RTN4RL2: variants seen among roughly 807,000 people sequenced by gnomAD.
RTN4RL2 encodes reticulon-4 receptor-like 2.
RTN4RL2 carries 9 observed loss-of-function variants against 27.8 expected under a neutral mutation model. The ratio of observed to expected loss-of-function variants is 0.32; its 90% CI spans 0.20 to 0.57. RTN4RL2 has a LOEUF of 0.57. Ranked by LOEUF, RTN4RL2 falls within the 20% of genes least tolerant of loss-of-function variation. The pLI, the probability that RTN4RL2 is intolerant of heterozygous loss-of-function variation, is 0.90. For synonymous variants in RTN4RL2, 285 were observed against 297.9 expected, an observed-to-expected ratio of 0.96 and a Z score of 0.45; for missense variants, 436 against 596.8, an observed-to-expected ratio of 0.73 and a Z score of 2.81.
At chr11:57,463,251 T>C (rs1445197457) in intron 1 of RTN4RL2, among the ~76,000 whole-genome samples, 2 of 152,196 alleles carry the variant, frequency 1.3e-5, no homozygotes, top group African/African-American at 4.8e-5. Flanking sequence ...GTGTTCAATG[T>C]ATAAAGAAGT....
chr11:57,468,457 TCA>T, intron 2 of RTN4RL2: 1 of 1,062,108 alleles, frequency 9.4e-7, no homozygotes. Flanking sequence ...CTGTCTCCCT[TCA>T]CACACCCACT....
chr11:57,469,194 C>G (rs1943546892), intron 2 of RTN4RL2, among the ~76,000 whole-genome samples: 1 of 152,208 alleles, frequency 6.6e-6, no homozygotes. Context: ...TGAGCACCCA[C>G]TACGAGCTAG....
chr11:57,474,930 G>C (rs948817485), intron 2 of RTN4RL2, among the ~76,000 whole-genome samples: 2 of 152,162 alleles, frequency 1.3e-5, no homozygotes, highest in African/African-American at 4.8e-5. Flanking sequence ...GCCTCTAAGG[G>C]GAGTAGTAAT....
chr11:57,466,558 G>T (rs757767062), intron 1 of RTN4RL2, among the ~76,000 whole-genome samples: 1 of 152,202 alleles, frequency 6.6e-6, no homozygotes, highest in Non-Finnish European at 1.5e-5. Context: ...GTCCCCCCAG[G>T]AATTCTGCAT....
At chr11:57,462,841 C>A (rs75366929) in intron 1 of RTN4RL2, among the ~76,000 whole-genome samples, 3,722 of 152,306 alleles carry the variant, frequency 0.024, 164 homozygotes, top group African/African-American at 0.084. Context: ...TTGACTCCCA[C>A]ATGTAATCAC....
At chr11:57,470,293 G>A (rs1191987554) in intron 2 of RTN4RL2, among the ~76,000 whole-genome samples, 2 of 152,114 alleles carry the variant, frequency 1.3e-5, no homozygotes, top group African/African-American at 4.8e-5. Context: ...TATCGCCCAG[G>A]CTGGAGTGCA....
chr11:57,474,003 A>T (rs561117062), intron 2 of RTN4RL2, among the ~76,000 whole-genome samples: 3 of 150,744 alleles, frequency 2.0e-5, no homozygotes, highest in Admixed American at 2.0e-4. Flanking sequence ...CTGACCATAC[A>T]TCTCTGGGTG....
chr11:57,461,643 G>A (rs1345493247), intron 1 of RTN4RL2, among the ~76,000 whole-genome samples: 2 of 151,926 alleles, frequency 1.3e-5, no homozygotes, highest in African/African-American at 2.4e-5. Context: ...GATCAGGGGA[G>A]GGATGGGAAG....
Position 57,460,781 on chromosome 11 carries a change from G to T in RTN4RL2, c.-85G>T, listed in dbSNP as rs1337786680. 10 of 705,948 alleles carry T rather than the reference G, an allele frequency of 1.4e-5. No homozygotes were observed. Among genetic ancestry groups the T allele is most frequent in the African/African-American group, 5.7e-5 (3 of 52,978 alleles). The allele number at this position is 705,948 out of a possible 1,614,324, so 43.7% of individuals were successfully genotyped here. A position where few individuals can be genotyped will look rare whatever the true frequency, so the allele number is the denominator to read the frequency against. ...CCCGGGCCCTCCCGGAGCCCCGCGG[G>T]GTCCCCGCCGTGCATCCGGCGGGCT... On this transcript the variant is annotated 5_prime_UTR_variant, in exon 1 of 3. Coordinates refer to ENST00000335099, the MANE Select transcript of RTN4RL2 (RefSeq NM_178570.3).
chr11:57,470,529 G>A (rs546401441), intron 2 of RTN4RL2, among the ~76,000 whole-genome samples: 3 of 152,254 alleles, frequency 2.0e-5, no homozygotes, highest in South Asian at 4.1e-4. Context: ...TTACAGGTGT[G>A]AGCCACCATG....
intron 2 of RTN4RL2, among the ~76,000 whole-genome samples, chr11:57,474,508 T>A (rs1195223741): frequency 6.6e-6 from 1 of 152,134 alleles, no homozygotes; most frequent in African/African-American, 2.4e-5. Flanking sequence ...ACAGGCCCCC[T>A]GGGTGAACTG....
chr11:57,476,646 G>C lies in RTN4RL2; in HGVS notation c.998G>C (p.Gly333Ala). ...RGNSSSNHLY[G>A]VAEAGAPPAD... Reference sequence around the variant, plus strand: ...AACAGCTCCTCCAACCACCTGTACGGGGTGGCCGAGGCCGGGGCGCCCCCA... The same window carrying C: ...AACAGCTCCTCCAACCACCTGTACGCGGTGGCCGAGGCCGGGGCGCCCCCA... Residue 333 changes from glycine (G) to alanine (A), a missense_variant, in exon 3 of 3, where the codon GGG becomes GCG. Coordinates refer to ENST00000335099, the MANE Select transcript of RTN4RL2 (RefSeq NM_178570.3). The surrounding 1 kb of genome is among the most constrained non-coding windows in gnomAD (Gnocchi z 8.2). The C allele has an allele frequency of 7.1e-7, 1 of 1,410,566 alleles. No homozygotes were observed. Among genetic ancestry groups the C allele is most frequent in the Non-Finnish European group, 9.2e-7 (1 of 1,091,128 alleles). The allele number at this position is 1,410,566 out of a possible 1,614,324, so 87.4% of individuals were successfully genotyped here.
chr11:57,476,416 G>C lies in RTN4RL2; in HGVS notation c.768G>C (p.Leu256=), dbSNP rs756724654. Residue 256 remains leucine (L), a synonymous_variant, in exon 3 of 3, where the codon CTG becomes CTC. Coordinates refer to ENST00000335099, the MANE Select transcript of RTN4RL2 (RefSeq NM_178570.3). This position sits in a 1 kb window ranked among gnomAD's most constrained non-coding sequence, Gnocchi z 8.2. ...CCGACCTGCCCTCGCTCGAGTTCCT[G>C]CGGCTCAACGCTAACCCCTGGGCGT... ...ALADLPSLEF[L]RLNANPWACD... The C allele has an allele frequency of 1.9e-6, 3 of 1,599,218 alleles. No individual in the cohort carries two copies. Among genetic ancestry groups the C allele is most frequent in the Non-Finnish European group, 2.5e-6 (3 of 1,177,936 alleles).
Position 57,467,610 on chromosome 11 carries a change from TC to T in RTN4RL2, c.36del (p.Ala13ProfsTer7). ...LPGLRRLLQAPASACLLLMLL... is the reference protein window; with the variant it reads ...LPGLRRLLQAXASACLLLMLL... ...AAGTTCTGCTTCCCCTCCCCACAGC[TC>T]CCGCCTCGGCCTGCCTCCTGCTGAT... On this transcript the variant is annotated frameshift_variant and splice_region_variant, in exon 2 of 3. Coordinates refer to ENST00000335099, the MANE Select transcript of RTN4RL2 (RefSeq NM_178570.3). LOFTEE classifies it high-confidence loss of function. The surrounding 1 kb of genome is among the most constrained non-coding windows in gnomAD (Gnocchi z 5.5). 1 of 1,602,392 alleles carries T rather than the reference TC, an allele frequency of 6.2e-7. No homozygotes were observed. The highest frequency in any genetic ancestry group is 8.5e-7 in the Non-Finnish European group (1 of 1,174,130).
chr11:57,476,550 C>T lies in RTN4RL2; in HGVS notation c.902C>T (p.Ala301Val). The T allele has an allele frequency of 7.1e-7, 1 of 1,402,418 alleles. No homozygotes were observed. Among genetic ancestry groups the T allele is most frequent in the South Asian group, 1.6e-5 (1 of 64,134 alleles). 86.9% of individuals were successfully genotyped at this position (1,402,418 alleles called of 1,614,324 possible). A position where few individuals can be genotyped will look rare whatever the true frequency, so the allele number is the denominator to read the frequency against. The change falls in exon 3 of 3, where the codon GCG (alanine) becomes GTG (valine). Residue 301 changes from alanine to valine, a missense_variant. Around this residue, in one of 3 missense-constraint regions of RTN4RL2, gnomAD observed 365 missense variants for 530.5 expected, o/e 0.69. Transcript: ENST00000335099. This position sits in a 1 kb window ranked among gnomAD's most constrained non-coding sequence, Gnocchi z 8.2. ...PPERQGRDLR[A>V]LREADFQACP... ...GAGCGCCAGGGCCGAGACCTGCGCGCGCTCCGCGAGGCCGACTTCCAGGCG... is the reference window on the plus strand; with the variant it reads ...GAGCGCCAGGGCCGAGACCTGCGCGTGCTCCGCGAGGCCGACTTCCAGGCG...
At chr11:57,463,238 G>GT (rs1943496321) in intron 1 of RTN4RL2, among the ~76,000 whole-genome samples, 1 of 152,214 alleles carries the variant, frequency 6.6e-6, no homozygotes, top group East Asian at 1.9e-4. Context: ...GATTATGTGT[G>GT]TTGTGTTCAA....
At position 57,476,670 on chromosome 11, in the gene RTN4RL2, C is replaced by G. The variant is rs1196771314; in HGVS notation, c.1022C>G (p.Pro341Arg). 2 of 1,417,944 alleles carry G rather than the reference C, an allele frequency of 1.4e-6. No homozygotes were observed. Among genetic ancestry groups the G allele is most frequent in the East Asian group, 2.8e-5 (1 of 35,794 alleles). The allele number at this position is 1,417,944 out of a possible 1,614,324, so 87.8% of individuals were successfully genotyped here. The change falls in exon 3 of 3, where the codon CCA becomes CGA. Residue 341 changes from proline to arginine, a missense_variant. Physicochemically the swap from Pro to Arg is moderately radical, Grantham distance 103 (BLOSUM62 -2). Around this residue, in one of 3 missense-constraint regions of RTN4RL2, gnomAD observed 365 missense variants for 530.5 expected, o/e 0.69. Coordinates refer to ENST00000335099, the MANE Select transcript of RTN4RL2 (RefSeq NM_178570.3). This position sits in a 1 kb window ranked among gnomAD's most constrained non-coding sequence, Gnocchi z 8.2. ...LYGVAEAGAP[P>R]ADPSTLYRDL... is the part of the protein sequence containing the mutation. ...GGGGTGGCCGAGGCCGGGGCGCCCC[C>G]AGCCGATCCCTCCACCCTCTACCGA... is the stretch of plus-strand genomic sequence containing the variant.
chr11:57,472,208 G>GC (rs397790344), intron 2 of RTN4RL2, among the ~76,000 whole-genome samples: 1 of 59,578 alleles, frequency 1.7e-5, no homozygotes, highest in African/African-American at 3.7e-5. Context: ...GTTTTTGTTT[G>GC]TTTTGTTTTG....
chr11:57,461,084 C>T (rs1943480550), intron 1 of RTN4RL2, among the ~76,000 whole-genome samples, 188 bp downstream of exon 1: 2 of 151,958 alleles, frequency 1.3e-5, no homozygotes, highest in South Asian at 4.2e-4. Flanking sequence ...GGCTGGGAGC[C>T]CGCGGGCGCG....
Sources: allele counts gnomAD v4.1 joint callset (sites outside exome capture counted in the v4.1 genomes callset), GRCh38; gene constraint gnomAD v4.1.1; regional missense constraint gnomAD v4.1.1; non-coding constraint Gnocchi (gnomAD v3.1); transcripts MANE v1.5; gene names NCBI Gene and HGNC (gene_info 2026-07-23, HGNC 2026-07-21).